The following NHSL1 variants were observed in gnomAD, a reference collection of about 807,000 sequenced individuals.
The protein encoded by NHSL1 is NHS like 1.
In NHSL1, 48 loss-of-function variants were observed where a neutral mutation model predicts 95.0. That is an observed-to-expected ratio of 0.51 (90% CI 0.40 to 0.64). The LOEUF (loss-of-function observed/expected upper bound fraction) is 0.64. Among genes scored for constraint, NHSL1 ranks in the 30% least tolerant of loss-of-function variants. The pLI, the probability that NHSL1 is intolerant of heterozygous loss-of-function variation, is 0.00. For synonymous variants in NHSL1, 783 were observed against 833.9 expected (o/e 0.94, Z 1.05); for missense variants, 1,971 against 2,077.7 (o/e 0.95, Z 1.00).
chr6:138,664,340 C>A (rs912135647), intron 1 of NHSL1, among the ~76,000 whole-genome samples: 3 of 152,174 alleles, frequency 2.0e-5, no homozygotes, highest in Non-Finnish European at 4.4e-5. Flanking sequence ...GCTGGGTACC[C>A]AAGCCACACA....
At chr6:138,623,635 G>A (rs1040507818) in intron 1 of NHSL1, among the ~76,000 whole-genome samples, 1 of 152,130 alleles carries the variant, frequency 6.6e-6, no homozygotes, top group African/African-American at 2.4e-5. Context: ...ACTCCTAACT[G>A]AAATTTTGTA....
chr6:138,629,389 C>CT (rs886431413), intron 1 of NHSL1, among the ~76,000 whole-genome samples: 30 of 89,588 alleles, frequency 3.3e-4, no homozygotes, highest in East Asian at 9.7e-4. Flanking sequence ...TTCTTTCTTT[C>CT]TTTTTTTTTT....
chr6:138,665,423 T>C (rs914544064), intron 1 of NHSL1, among the ~76,000 whole-genome samples: 1 of 152,234 alleles, frequency 6.6e-6, no homozygotes, highest in Non-Finnish European at 1.5e-5. Context: ...TTCCCGACTT[T>C]ACAACTTCTG....
At chr6:138,600,252 G>A (rs867673701) in intron 1 of NHSL1, among the ~76,000 whole-genome samples, 6 of 151,544 alleles carry the variant, frequency 4.0e-5, no homozygotes, top group Middle Eastern at 6.8e-3. Flanking sequence ...TTTTCTTTTC[G>A]AGACCAGTTC....
chr6:138,667,406 T>C (rs1785308829), intron 1 of NHSL1, among the ~76,000 whole-genome samples: 1 of 152,228 alleles, frequency 6.6e-6, no homozygotes, highest in Non-Finnish European at 1.5e-5. Flanking sequence ...TTTTTATACA[T>C]GATACCATAA....
At chr6:138,573,279 C>G (rs1332788867), upstream of NHSL1, among the ~76,000 whole-genome samples, 1 of 152,130 alleles carries the variant, frequency 6.6e-6, no homozygotes, top group East Asian at 1.9e-4. Flanking sequence ...TACAATTCCA[C>G]GGTCCTAGGG....
At chr6:138,623,590 A>T (rs6910957) in intron 1 of NHSL1, among the ~76,000 whole-genome samples, 71,841 of 151,990 alleles carry the variant, frequency 0.47, 17,937 homozygotes, top group African/African-American at 0.63. Context: ...TTAACTATAG[A>T]CATCATGTTG....
chr6:138,649,805 A>G (rs138436052), intron 1 of NHSL1, among the ~76,000 whole-genome samples: 137 of 152,278 alleles, frequency 9.0e-4, no homozygotes, highest in Non-Finnish European at 1.6e-3. Flanking sequence ...ACGAAGAAGG[A>G]GAATGATGCT....
chr6:138,689,640 C>T (rs920040455), intron 1 of NHSL1, among the ~76,000 whole-genome samples: 2 of 152,154 alleles, frequency 1.3e-5, no homozygotes, highest in Non-Finnish European at 2.9e-5. Context: ...CTGCTAGAGG[C>T]TTTTGGTAAA....
intron 1 of NHSL1, among the ~76,000 whole-genome samples, chr6:138,598,543 C>G (rs1784330854): frequency 6.6e-6 from 1 of 150,984 alleles, no homozygotes; most frequent in East Asian, 1.9e-4. Flanking sequence ...ATGGCTTGAG[C>G]CCAGAAGTTT....
At chr6:138,571,159 A>T (rs1283851120) in intron 1 of NHSL1, among the ~76,000 whole-genome samples, 1 of 152,234 alleles carries the variant, frequency 6.6e-6, no homozygotes, top group South Asian at 2.1e-4. Flanking sequence ...GAAAGAAAAA[A>T]AAAATCCAGA....
chr6:138,487,048 G>C (rs535104721), intron 2 of NHSL1, among the ~76,000 whole-genome samples: 1 of 152,272 alleles, frequency 6.6e-6, no homozygotes, highest in South Asian at 2.1e-4. Context: ...CTTGGGACAT[G>C]CAGTAGACAG....
chr6:138,539,596 A>G (rs1782499164), intron 1 of NHSL1, among the ~76,000 whole-genome samples: 1 of 152,218 alleles, frequency 6.6e-6, no homozygotes, highest in South Asian at 2.1e-4. Flanking sequence ...CCTAAAAAAG[A>G]CAAACATGAA....
chr6:138,633,460 A>G (rs1303375985), intron 1 of NHSL1, among the ~76,000 whole-genome samples: 1 of 152,224 alleles, frequency 6.6e-6, no homozygotes, highest in African/African-American at 2.4e-5. Flanking sequence ...ACAGCATACA[A>G]TGGAGCTCCA....
chr6:138,489,532 C>T (rs578000405), intron 2 of NHSL1, among the ~76,000 whole-genome samples: 15 of 151,786 alleles, frequency 9.9e-5, no homozygotes, highest in African/African-American at 2.7e-4. Context: ...TTTGGGAGGC[C>T]GAGGCAGGTG....
chr6:138,437,874 C>A (rs1776290366), intron 5 of NHSL1, among the ~76,000 whole-genome samples: 1 of 152,156 alleles, frequency 6.6e-6, no homozygotes. Flanking sequence ...GAAGATGTGG[C>A]TGAATTGCTG....
At chr6:138,606,816 C>T (rs1452982887) in intron 1 of NHSL1, among the ~76,000 whole-genome samples, 1 of 151,194 alleles carries the variant, frequency 6.6e-6, no homozygotes, top group Admixed American at 6.6e-5. Flanking sequence ...CATTCTCCTG[C>T]CTCAGCCTCT....
chr6:138,592,811 T>C (rs1429529326), intron 1 of NHSL1, among the ~76,000 whole-genome samples: 1 of 152,162 alleles, frequency 6.6e-6, no homozygotes, highest in Non-Finnish European at 1.5e-5. Context: ...TTCAGCTTTT[T>C]AAAAGCAATT....
At chr6:138,683,424 A>G (rs959392065) in intron 1 of NHSL1, among the ~76,000 whole-genome samples, 1 of 152,204 alleles carries the variant, frequency 6.6e-6, no homozygotes, top group Non-Finnish European at 1.5e-5. Flanking sequence ...CACCAAAACA[A>G]CAGCAGCAAC....
Sources: gnomAD v4.1 joint callset for allele counts (sites outside exome capture counted in the v4.1 genomes callset) on GRCh38, gnomAD v4.1.1 for gene constraint, MANE v1.5 for transcripts, NCBI Gene and HGNC (gene_info 2026-07-23, HGNC 2026-07-21) for gene names.